The following DNAAF4 variants were observed in gnomAD, a reference collection of about 807,000 sequenced individuals.
The protein encoded by DNAAF4 is dynein axonemal assembly factor 4, also known as dynein assembly factor 4, axonemal.
A neutral mutation model predicts 51.8 loss-of-function variants in DNAAF4; 43 were observed. The ratio of observed to expected loss-of-function variants is 0.83; its 90% CI spans 0.65 to 1.07. The LOEUF (loss-of-function observed/expected upper bound fraction) is 1.07. DNAAF4 is among the 50% of genes least tolerant of loss of function. DNAAF4 has a pLI of 0.00. For synonymous variants in DNAAF4, 194 were observed against 165.6 expected, an observed-to-expected ratio of 1.17 and a Z score of -1.32; for missense variants, 581 against 493.0, an observed-to-expected ratio of 1.18 and a Z score of -1.69.
intron 6 of DNAAF4, among the ~76,000 whole-genome samples, chr15:55,441,762 C>T (rs1023169092): frequency 6.6e-6 from 1 of 152,156 alleles, no homozygotes; most frequent in Non-Finnish European, 1.5e-5. Context: ...TTTATGGCTG[C>T]ATAGTATTCC....
chr15:55,503,598 T>C (rs909314293), intron 1 of DNAAF4, among the ~76,000 whole-genome samples: 1 of 152,166 alleles, frequency 6.6e-6, no homozygotes, highest in Non-Finnish European at 1.5e-5. Flanking sequence ...GCTCCATCCC[T>C]GGGATGTAAG....
chr15:55,428,453 T>A (rs2057452085), downstream of DNAAF4, among the ~76,000 whole-genome samples: 1 of 151,122 alleles, frequency 6.6e-6, no homozygotes, highest in Admixed American at 6.6e-5. Flanking sequence ...TAAATTCAGT[T>A]AAGTTAAATC....
At chr15:55,466,898 C>T (rs2058178471) in intron 5 of DNAAF4, 32 bp downstream of exon 5, 1 of 1,579,180 alleles carries the variant, frequency 6.3e-7, no homozygotes, top group South Asian at 1.2e-5. Flanking sequence ...ACCAACAGGA[C>T]TCACTACTCA....
At chr15:55,443,325 C>T (rs549836822) in intron 6 of DNAAF4, 73 of 1,060,596 alleles carry the variant, frequency 6.9e-5, no homozygotes, top group South Asian at 3.2e-4. Context: ...GGGCCCCCAG[C>T]GTGCGGAGGC....
chr15:55,421,697 A>G (rs1269213641), intron 7 of DNAAF4, among the ~76,000 whole-genome samples: 1 of 150,702 alleles, frequency 6.6e-6, no homozygotes, highest in Non-Finnish European at 1.5e-5. Flanking sequence ...GACCAGCCTG[A>G]CCAATATGGA....
rs1162001413 is a variant in DNAAF4 at position 55,491,081 on chromosome 15, T to A, written c.405+42A>T. 1.9e-6 allele frequency: 3 copies of A among 1,611,904 alleles called. No homozygotes were observed. In the South Asian group the frequency reaches 3.3e-5, roughly 18 times the overall value. On this transcript the variant is annotated intron_variant, in intron 4 of 9. Coordinates refer to ENST00000321149, the MANE Select transcript of DNAAF4 (RefSeq NM_130810.4). Reference sequence around the variant, plus strand: ...AACTCACTATCCTCACATAGTCTACTATTATCTCTTTAGAGGACTTGCCTG... The same window carrying A: ...AACTCACTATCCTCACATAGTCTACAATTATCTCTTTAGAGGACTTGCCTG...
chr15:55,434,390 A>G (rs565797737), intron 8 of DNAAF4, among the ~76,000 whole-genome samples: 7 of 152,178 alleles, frequency 4.6e-5, no homozygotes, highest in African/African-American at 1.7e-4. Context: ...TACCTAAGAG[A>G]TTTTGCACAT....
At chr15:55,435,377 G>T (rs1385498169) in intron 7 of DNAAF4, among the ~76,000 whole-genome samples, 1 of 152,148 alleles carries the variant, frequency 6.6e-6, no homozygotes, top group Non-Finnish European at 1.5e-5. Flanking sequence ...GAAGCCTGTG[G>T]GTTGGTTTCA....
intron 4 of DNAAF4, among the ~76,000 whole-genome samples, chr15:55,477,649 CGT>C (rs551319627): frequency 1.6e-4 from 14 of 85,454 alleles, no homozygotes; most frequent in Admixed American, 2.9e-4. Flanking sequence ...TGTATGTATG[CGT>C]GTGTGTGTGT....
chr15:55,453,501 T>C (rs1190192985), intron 5 of DNAAF4, among the ~76,000 whole-genome samples: 1 of 143,044 alleles, frequency 7.0e-6, no homozygotes, highest in Admixed American at 7.1e-5. Context: ...TAATGAAAAC[T>C]AAGAAGCTAG....
intron 5 of DNAAF4, 120 bp from the exon 6 acceptor site, chr15:55,450,487 A>G: frequency 1.7e-6 from 2 of 1,182,632 alleles, no homozygotes; most frequent in South Asian, 3.2e-5. Context: ...AATCAAATAT[A>G]TTTTCTGCAA....
chr15:55,498,004 G>A, intron 2 of DNAAF4, 145 bp from the exon 3 acceptor site: 1 of 1,312,088 alleles, frequency 7.6e-7, no homozygotes. Flanking sequence ...GGCATATGAG[G>A]AAGCCCTGGA....
At chr15:55,457,081 G>C (rs1175599291) in intron 5 of DNAAF4, among the ~76,000 whole-genome samples, 1 of 152,222 alleles carries the variant, frequency 6.6e-6, no homozygotes, top group East Asian at 1.9e-4. Context: ...AGAAGCCACA[G>C]CCAATAGTGT....
At chr15:55,491,312 G>A in intron 3 of DNAAF4, 56 bp from the exon 4 acceptor site, 2 of 1,543,056 alleles carry the variant, frequency 1.3e-6, no homozygotes, top group South Asian at 1.2e-5. Context: ...CTTTACTTAT[G>A]AGAAAACTAC....
chr15:55,456,156 T>G (rs1436558193), intron 5 of DNAAF4, among the ~76,000 whole-genome samples: 1 of 151,738 alleles, frequency 6.6e-6, no homozygotes, highest in East Asian at 1.9e-4. Context: ...CTCGCTTCAC[T>G]GCAACCTCCA....
At position 55,493,202 on chromosome 15, in the gene DNAAF4, C is replaced by G. The variant is rs1046684959; in HGVS notation, c.272-1946G>C. ...CTGCCAGGACCTTGATCTGGACTTC[C>G]CAGCCTACAGGAGTGTGAGAAATAA... On this transcript the variant is annotated intron_variant, in intron 3 of 9. Transcript: ENST00000321149. Among the ~76,000 whole-genome samples the G allele has an allele frequency of 3.3e-5, 5 of 152,112 alleles. No homozygotes were observed. The East Asian group carries it at 9.6e-4, about 29-fold the overall frequency.
At chr15:55,482,409 G>A (rs1036833491) in intron 4 of DNAAF4, among the ~76,000 whole-genome samples, 3 of 152,180 alleles carry the variant, frequency 2.0e-5, no homozygotes, top group African/African-American at 7.2e-5. Context: ...AGGCGTGGTG[G>A]CTCATGCATG....
downstream of DNAAF4, among the ~76,000 whole-genome samples, chr15:55,429,874 C>A (rs888533899): frequency 1.3e-5 from 2 of 151,484 alleles, no homozygotes; most frequent in African/African-American, 2.4e-5. Flanking sequence ...TAACTACAAG[C>A]AAAAGGGAAG....
At chr15:55,436,969 C>T (rs148663929) in intron 7 of DNAAF4, among the ~76,000 whole-genome samples, 5,547 of 152,124 alleles carry the variant, frequency 0.036, 104 homozygotes, top group African/African-American at 0.05. Context: ...TACAGGTATG[C>T]GCCACCACAC....
Sources: allele counts gnomAD v4.1 joint callset (sites outside exome capture counted in the v4.1 genomes callset), GRCh38; gene constraint gnomAD v4.1.1; transcripts MANE v1.5; gene names NCBI Gene and HGNC (gene_info 2026-07-23, HGNC 2026-07-21).